Variants in SLC12A6 observed in about 807,000 individuals in gnomAD.
The protein encoded by SLC12A6 is solute carrier family 12 member 6.
SLC12A6 carries 66 observed loss-of-function variants against 135.3 expected under a neutral mutation model. That is an observed-to-expected ratio of 0.49 (90% CI 0.40 to 0.60). The LOEUF is 0.60. Ranked by LOEUF, SLC12A6 falls within the 20% of genes least tolerant of loss-of-function variation. The pLI is 0.00. For missense variants in SLC12A6, 1,058 were observed against 1,452.3 expected, an observed-to-expected ratio of 0.73 and a Z score of 4.41; for synonymous variants, 513 against 508.8, an observed-to-expected ratio of 1.01 and a Z score of -0.11.
At chr15:34,248,400 G>A (rs1478936400) in intron 13 of SLC12A6, among the ~76,000 whole-genome samples, 1 of 152,110 alleles carries the variant, frequency 6.6e-6, no homozygotes, top group Non-Finnish European at 1.5e-5. Context: ...GTAAGCACAT[G>A]TTCAACTTTA....
intron 2 of SLC12A6, among the ~76,000 whole-genome samples, chr15:34,311,438 T>C (rs2141075953): frequency 6.6e-6 from 1 of 152,290 alleles, no homozygotes; most frequent in East Asian, 1.9e-4. Flanking sequence ...CAGTAAAACT[T>C]TGTTATATTG....
In SLC12A6 at chr15:34,245,541, C is replaced by A. The variant is rs76107221; in HGVS notation, c.1825-138G>T. ...CTTTTAAATACCTTTACAGCACTCACAGGTAAACTCATGCTTGGGATTTAG... is the reference window on the plus strand; with the variant it reads ...CTTTTAAATACCTTTACAGCACTCAAAGGTAAACTCATGCTTGGGATTTAG... On this transcript the variant is annotated intron_variant, in intron 14 of 25. Coordinates refer to ENST00000354181, the MANE Select transcript of SLC12A6 (RefSeq NM_001365088.1). 0.064 allele frequency: 56,436 copies of A among 884,026 alleles called. 2,135 individuals carry two copies. The highest frequency in any genetic ancestry group is 0.084 in the Middle Eastern group (350 of 4,170). 54.8% of individuals were successfully genotyped at this position (884,026 alleles called of 1,614,324 possible). A position where few individuals can be genotyped will look rare whatever the true frequency, so the allele number is the denominator to read the frequency against.
At chr15:34,331,526 C>T (rs1009235742) in intron 2 of SLC12A6, among the ~76,000 whole-genome samples, 1 of 152,174 alleles carries the variant, frequency 6.6e-6, no homozygotes, top group African/African-American at 2.4e-5. Context: ...ATTAATATGC[C>T]TTTATCAGAG....
intron 2 of SLC12A6, among the ~76,000 whole-genome samples, chr15:34,283,078 C>T (rs1325029547): frequency 6.6e-6 from 1 of 152,222 alleles, no homozygotes; most frequent in African/African-American, 2.4e-5. Flanking sequence ...CACTGTGGCT[C>T]ACGCCTGTAA....
chr15:34,319,731 G>A (rs903012042), intron 2 of SLC12A6, among the ~76,000 whole-genome samples: 10 of 151,698 alleles, frequency 6.6e-5, no homozygotes, highest in Non-Finnish European at 1.0e-4. Flanking sequence ...TCCAGGAGGC[G>A]GAGATTGCAG....
intron 2 of SLC12A6, among the ~76,000 whole-genome samples, chr15:34,295,399 A>C (rs553031838): frequency 6.6e-6 from 1 of 152,236 alleles, no homozygotes; most frequent in Non-Finnish European, 1.5e-5. Context: ...AATAGGAATA[A>C]TACTATATCA....
intron 2 of SLC12A6, among the ~76,000 whole-genome samples, chr15:34,321,144 A>C (rs758132217): frequency 2.6e-5 from 4 of 152,158 alleles, no homozygotes; most frequent in Non-Finnish European, 5.9e-5. Flanking sequence ...AAAACCTCTA[A>C]TGCCCTGAGG....
At chr15:34,270,816 AAAC>A (rs1193172159) in intron 3 of SLC12A6, among the ~76,000 whole-genome samples, 2 of 144,964 alleles carry the variant, frequency 1.4e-5, no homozygotes, top group East Asian at 4.0e-4. Context: ...AAACAAAACA[AAAC>A]AAAACAAAAA....
intron 7 of SLC12A6, among the ~76,000 whole-genome samples, chr15:34,255,898 G>T (rs1296683814): frequency 1.3e-5 from 2 of 152,120 alleles, no homozygotes; most frequent in African/African-American, 2.4e-5. Context: ...GAGCCTAGGA[G>T]TTGGAGGCTG....
chr15:34,291,772 A>G (rs1055398860), intron 2 of SLC12A6, among the ~76,000 whole-genome samples: 4 of 151,794 alleles, frequency 2.6e-5, no homozygotes, highest in African/African-American at 9.7e-5. Context: ...GCTTGATTGA[A>G]TCGGCTATTG....
chr15:34,257,603 A>G, intron 6 of SLC12A6, 39 bp downstream of exon 6: 1 of 1,579,370 alleles, frequency 6.3e-7, no homozygotes, highest in Non-Finnish European at 8.7e-7. Context: ...GAGAACTTGC[A>G]ACGTTCAGGT....
intron 2 of SLC12A6, among the ~76,000 whole-genome samples, chr15:34,308,306 T>C (rs1887878796): frequency 6.6e-6 from 1 of 152,002 alleles, no homozygotes; most frequent in African/African-American, 2.4e-5. Flanking sequence ...CCTAGAAATG[T>C]GAGGAGTGGA....
chr15:34,262,083 T>A (rs572782034), intron 3 of SLC12A6, among the ~76,000 whole-genome samples: 1 of 152,292 alleles, frequency 6.6e-6, no homozygotes, highest in South Asian at 2.1e-4. Context: ...AACCCAACCT[T>A]CAAGCCAAAG....
intron 3 of SLC12A6, among the ~76,000 whole-genome samples, chr15:34,265,296 G>A (rs1391134633): frequency 6.6e-6 from 1 of 151,846 alleles, no homozygotes; most frequent in Non-Finnish European, 1.5e-5. Flanking sequence ...TACTGTTCTG[G>A]GTCCTAGAGA....
chr15:34,247,226 T>C (rs2140704246), intron 13 of SLC12A6, among the ~76,000 whole-genome samples: 1 of 152,146 alleles, frequency 6.6e-6, no homozygotes, highest in Middle Eastern at 3.4e-3. Context: ...ACACAAAAAG[T>C]AGTGTGCAAG....
At chr15:34,324,550 A>G (rs1889337273) in intron 2 of SLC12A6, among the ~76,000 whole-genome samples, 1 of 152,240 alleles carries the variant, frequency 6.6e-6, no homozygotes, top group Non-Finnish European at 1.5e-5. Context: ...GCAACTTAAT[A>G]TGTTACACTA....
At chr15:34,251,193 A>G (rs545584078) in intron 10 of SLC12A6, 136 bp from the exon 11 acceptor site, 6 of 694,288 alleles carry the variant, frequency 8.6e-6, no homozygotes, top group East Asian at 2.7e-5. Flanking sequence ...ACATGAGCAC[A>G]TGTATACACA....
intron 18 of SLC12A6, 130 bp from the exon 19 acceptor site, chr15:34,240,959 A>G (rs980437560): frequency 1.3e-6 from 1 of 747,924 alleles, no homozygotes; most frequent in Non-Finnish European, 2.3e-6. Flanking sequence ...GGAAGAGATC[A>G]CAGGAGATGA....
Position 34,244,065 on chromosome 15 carries a change from GA to G in SLC12A6, c.1950del (p.Leu651SerfsTer7). The part of the protein sequence containing the change: ...DLVAPILSMF[F>X]LMCYLFVNLA... Reference sequence around the variant, plus strand: ...AAGTTTACAAAGAGGTAACACATGAGAAAAAACCTGAAGAATAAAGAGTAAG... The same window carrying G: ...AAGTTTACAAAGAGGTAACACATGAGAAAAACCTGAAGAATAAAGAGTAAG... On this transcript the variant is annotated frameshift_variant, in exon 16 of 26. Transcript: ENST00000354181. LOFTEE classifies it high-confidence loss of function. The G allele has an allele frequency of 6.5e-7, 1 of 1,549,604 alleles. No individual in the cohort carries two copies. The highest frequency in any genetic ancestry group is 8.9e-7 in the Non-Finnish European group (1 of 1,121,122).
Sources: gnomAD v4.1 joint callset for allele counts (sites outside exome capture counted in the v4.1 genomes callset) on GRCh38, gnomAD v4.1.1 for gene constraint, MANE v1.5 for transcripts, NCBI Gene and HGNC (gene_info 2026-07-23, HGNC 2026-07-21) for gene names.